Variants in POLQ observed in about 807,000 individuals in gnomAD.
The protein encoded by POLQ is epididymis secretory sperm binding protein.
In POLQ, 233 loss-of-function variants were observed where a neutral mutation model predicts 259.2. That is an observed-to-expected ratio of 0.90 (90% CI 0.81 to 1.00). The LOEUF is 1.00. POLQ is among the 50% of genes least tolerant of loss of function. The probability of loss-of-function intolerance (pLI) is 0.00; values close to 1 mark genes in which losing one functional copy is unlikely to be tolerated. For missense variants in POLQ, 2,871 were observed against 3,051.6 expected, an observed-to-expected ratio of 0.94 and a Z score of 1.39; for synonymous variants, 1,025 against 1,048.8, an observed-to-expected ratio of 0.98 and a Z score of 0.44.
rs764762496 is a variant in POLQ, at chr3:121,481,825, G to A, written c.5971-13C>T. On this transcript the variant is annotated splice_polypyrimidine_tract_variant and intron_variant, in intron 18 of 29. Transcript: ENST00000264233. Reference sequence around the variant, plus strand: ...ACCAGCATGCCACCTGAATGGGATAGCAATGAGAATATTTTCCTGATTTTT... The same window carrying A: ...ACCAGCATGCCACCTGAATGGGATAACAATGAGAATATTTTCCTGATTTTT... 1.3e-6 allele frequency: 2 copies of A among 1,579,166 alleles called. No individual in the cohort carries two copies. Among genetic ancestry groups the A allele is most frequent in the Non-Finnish European group, 8.6e-7 (1 of 1,161,310 alleles).
chr3:121,534,075 A>G (rs539899173), intron 5 of POLQ, among the ~76,000 whole-genome samples: 7 of 151,006 alleles, frequency 4.6e-5, no homozygotes, highest in African/African-American at 1.7e-4. Flanking sequence ...ACGGGTTTTC[A>G]CCATGTTAGC....
At chr3:121,438,927 C>T (rs1026273524) in intron 27 of POLQ, among the ~76,000 whole-genome samples, 6 of 152,156 alleles carry the variant, frequency 3.9e-5, no homozygotes, top group Admixed American at 3.9e-4. Context: ...CATTAATGCT[C>T]TGAAGGCTTT....
At chr3:121,496,199 C>G (rs995559317) in intron 14 of POLQ, among the ~76,000 whole-genome samples, 1 of 128,612 alleles carries the variant, frequency 7.8e-6, no homozygotes, top group Admixed American at 8.3e-5. Context: ...TTTTTTGAGA[C>G]AGAGTCTCGC....
chr3:121,493,037 C>G (rs1388873119), intron 15 of POLQ, among the ~76,000 whole-genome samples: 2 of 152,122 alleles, frequency 1.3e-5, no homozygotes, highest in Non-Finnish European at 2.9e-5. Flanking sequence ...CACTTTGGCT[C>G]ACGCCTATAA....
chr3:121,446,376 A>G (rs564284149), intron 26 of POLQ, among the ~76,000 whole-genome samples: 1 of 152,326 alleles, frequency 6.6e-6, no homozygotes, highest in Non-Finnish European at 1.5e-5. Context: ...AGAATAATCC[A>G]TGTGCTGAGG....
At position 121,496,902 on chromosome 3, in the gene POLQ, T is replaced by C. The variant is rs144136432; in HGVS notation, c.2184A>G (p.Leu728=). 6.2e-7 allele frequency: 1 copy of C among 1,612,710 alleles called. No individual in the cohort carries two copies. ...RFFTSLVLLD[L]ISEVPLREIN... ...TTTCCCTTAAGGGAACTTCACTGATTAAATCTAATAGCACAAGACTGGTGA... is the reference window on the plus strand; with the variant it reads ...TTTCCCTTAAGGGAACTTCACTGATCAAATCTAATAGCACAAGACTGGTGA... Residue 728 remains leucine, a synonymous_variant, in exon 14 of 30, where the codon TTA becomes TTG. Coordinates refer to ENST00000264233, the MANE Select transcript of POLQ (RefSeq NM_199420.4).
intron 2 of POLQ, among the ~76,000 whole-genome samples, chr3:121,542,308 T>C (rs978735990): frequency 1.3e-5 from 2 of 152,074 alleles, no homozygotes; most frequent in Non-Finnish European, 2.9e-5. Flanking sequence ...GAGAATCACA[T>C]GAACCCAGGA....
chr3:121,436,166 T>G lies in POLQ; in HGVS notation c.7499A>C (p.Lys2500Thr). The G allele has an allele frequency of 6.2e-7, 1 of 1,613,954 alleles. No individual in the cohort carries two copies. Among genetic ancestry groups the G allele is most frequent in the Non-Finnish European group, 8.5e-7 (1 of 1,179,842 alleles). ...KQLETFHSTF[K>T]SHGHREGMLQ... The stretch of plus-strand genomic sequence containing the variant: ...CATACCCTCTCGATGACCATGGGAT[T>G]TGAAGGTTGAGTGGAAGGTCTCTAA... Residue 2500 changes from lysine to threonine, a missense_variant, in exon 28 of 30, where the codon AAA becomes ACA. Transcript: ENST00000264233.
intron 26 of POLQ, among the ~76,000 whole-genome samples, chr3:121,447,213 C>G (rs1164971261): frequency 6.6e-6 from 1 of 150,616 alleles, no homozygotes; most frequent in Non-Finnish European, 1.5e-5. Context: ...CCCTGTCTCC[C>G]AGGCTGGAGT....
chr3:121,445,593 T>A (rs926307136), intron 26 of POLQ, among the ~76,000 whole-genome samples: 1 of 152,212 alleles, frequency 6.6e-6, no homozygotes, highest in African/African-American at 2.4e-5. Flanking sequence ...CCAGGTGCAG[T>A]GGCTCAAGCC....
At chr3:121,452,558 G>GT (rs2047688062) in intron 25 of POLQ, among the ~76,000 whole-genome samples, 1 of 151,264 alleles carries the variant, frequency 6.6e-6, no homozygotes, top group Non-Finnish European at 1.5e-5. Context: ...TCAGGGATTA[G>GT]GTGGTTCAGT....
chr3:121,468,097 A>G (rs898015982), intron 23 of POLQ, among the ~76,000 whole-genome samples: 2 of 152,202 alleles, frequency 1.3e-5, no homozygotes, highest in African/African-American at 4.8e-5. Context: ...CTTAACAAAG[A>G]TACTAGAACT....
chr3:121,497,767 C>T (rs985084149), intron 13 of POLQ, among the ~76,000 whole-genome samples: 15 of 152,124 alleles, frequency 9.9e-5, no homozygotes, highest in African/African-American at 3.6e-4. Flanking sequence ...AAGCTAACAG[C>T]CTGTACCAAT....
chr3:121,476,998 T>C (rs1176657629), intron 19 of POLQ, among the ~76,000 whole-genome samples: 1 of 152,226 alleles, frequency 6.6e-6, no homozygotes, highest in African/African-American at 2.4e-5. Flanking sequence ...TACAAGAGAC[T>C]GTATTTCTCC....
At chr3:121,519,607 C>T (rs1370719293) in intron 9 of POLQ, among the ~76,000 whole-genome samples, 2 of 143,856 alleles carry the variant, frequency 1.4e-5, no homozygotes, top group Non-Finnish European at 3.0e-5. Flanking sequence ...ACCCGGAAGG[C>T]AGAGCTTGCA....
intron 22 of POLQ, among the ~76,000 whole-genome samples, chr3:121,471,743 G>A (rs1010780095): frequency 6.6e-6 from 1 of 152,006 alleles, no homozygotes; most frequent in African/African-American, 2.4e-5. Context: ...TGGCCAACAA[G>A]AGTGAAACTC....
intron 14 of POLQ, among the ~76,000 whole-genome samples, chr3:121,495,558 T>G (rs1268079411): frequency 1.3e-5 from 2 of 151,706 alleles, no homozygotes; most frequent in East Asian, 3.9e-4. Context: ...AGTGAGTCCC[T>G]CCCGGCCGGG....
At chr3:121,502,114 A>G (rs1245431857) in intron 12 of POLQ, among the ~76,000 whole-genome samples, 1 of 152,228 alleles carries the variant, frequency 6.6e-6, no homozygotes, top group Non-Finnish European at 1.5e-5. Flanking sequence ...ATGTGGGTAC[A>G]TATAAAAACA....
intron 10 of POLQ, 31 bp downstream of exon 10, chr3:121,511,856 G>C: frequency 6.4e-7 from 1 of 1,555,510 alleles, no homozygotes; most frequent in Middle Eastern, 1.7e-4. Flanking sequence ...GCATAAAAGA[G>C]CAAATGGTAA....
Sources: gnomAD v4.1 joint callset for allele counts (sites outside exome capture counted in the v4.1 genomes callset) on GRCh38, gnomAD v4.1.1 for gene constraint, MANE v1.5 for transcripts, NCBI Gene and HGNC (gene_info 2026-07-23, HGNC 2026-07-21) for gene names.